Variants in DOCK8 observed in about 807,000 individuals in gnomAD.
The protein encoded by DOCK8 is dedicator of cytokinesis protein 8.
Under a neutral mutation model 245.6 loss-of-function variants are expected in DOCK8, and 141 were observed. That is an observed-to-expected ratio of 0.57 (90% CI 0.50 to 0.66). The LOEUF (loss-of-function observed/expected upper bound fraction) is 0.66. Ranked by LOEUF, DOCK8 falls within the 30% of genes least tolerant of loss-of-function variation. The pLI is 0.00. For missense variants in DOCK8, 2,965 were observed against 2,603.4 expected (o/e 1.14, Z -3.02); for synonymous variants, 1,168 against 970.2 (o/e 1.20, Z -3.79).
At chr9:273,889 A>G (rs184167430) in intron 2 of DOCK8, among the ~76,000 whole-genome samples, 163 of 152,150 alleles carry the variant, frequency 1.1e-3, no homozygotes, top group Non-Finnish European at 2.1e-3. Context: ...TATTTTGAGT[A>G]GAGACGGGGT....
At chr9:371,595 A>G in intron 17 of DOCK8, 29 bp downstream of exon 17, 5 of 1,613,932 alleles carry the variant, frequency 3.1e-6, no homozygotes, top group Non-Finnish European at 3.4e-6. Context: ...GCTGACTCAC[A>G]CTGCAGTTGT....
chr9:373,825 G>A (rs145970577), intron 18 of DOCK8, among the ~76,000 whole-genome samples: 76 of 152,298 alleles, frequency 5.0e-4, no homozygotes, highest in African/African-American at 1.7e-3. Flanking sequence ...ACATTTCCCT[G>A]ATTGGTCTTT....
Position 434,907 on chromosome 9 carries a change from T to A in DOCK8, c.5011T>A (p.Leu1671Ile), listed in dbSNP as rs964855655. The A allele has an allele frequency of 6.2e-7, 1 of 1,613,708 alleles. No homozygotes were observed. The highest frequency in any genetic ancestry group is 8.5e-7 in the Non-Finnish European group (1 of 1,180,038). Residue 1671 changes from leucine to isoleucine, a missense_variant, in exon 39 of 48, where the codon TTA becomes ATA. Coordinates refer to ENST00000432829, the MANE Select transcript of DOCK8 (RefSeq NM_203447.4). ...AAMCLVHAAALVAEYLSMLED... is the reference protein window; with the variant it reads ...AAMCLVHAAAIVAEYLSMLED... Reference sequence around the variant, plus strand: ...CATGTGCCTGGTGCACGCCGCTGCGTTAGTGGCTGAGTATCTGAGCATGCT... The same window carrying A: ...CATGTGCCTGGTGCACGCCGCTGCGATAGTGGCTGAGTATCTGAGCATGCT...
intron 1 of DOCK8, among the ~76,000 whole-genome samples, chr9:266,196 C>T (rs373280792): frequency 3.3e-5 from 5 of 152,236 alleles, no homozygotes; most frequent in East Asian, 1.9e-4. Context: ...GAATTAGTAA[C>T]GCCTTCCTCT....
At chr9:424,510 A>T (rs1404740022) in intron 33 of DOCK8, among the ~76,000 whole-genome samples, 1 of 152,008 alleles carries the variant, frequency 6.6e-6, no homozygotes, top group African/African-American at 2.4e-5. Flanking sequence ...CCTGGCCTCA[A>T]ACAATCCTCC....
At chr9:261,041 G>A (rs952320112) in intron 1 of DOCK8, among the ~76,000 whole-genome samples, 5 of 150,544 alleles carry the variant, frequency 3.3e-5, no homozygotes, top group African/African-American at 1.2e-4. Context: ...AGCGGAGATC[G>A]TGCCACTGCA....
chr9:306,908 C>T (rs1466436717), intron 5 of DOCK8, among the ~76,000 whole-genome samples: 1 of 152,122 alleles, frequency 6.6e-6, no homozygotes, highest in African/African-American at 2.4e-5. Context: ...GTGGTGTTGT[C>T]TCAAGATCTC....
chr9:457,754 T>C (rs1454066726), intron 46 of DOCK8, among the ~76,000 whole-genome samples: 1 of 152,234 alleles, frequency 6.6e-6, no homozygotes, highest in African/African-American at 2.4e-5. Flanking sequence ...TACAAATAGT[T>C]CATTTACTTA....
intron 2 of DOCK8, among the ~76,000 whole-genome samples, chr9:274,232 C>G (rs897306837): frequency 1.3e-5 from 2 of 152,162 alleles, no homozygotes; most frequent in South Asian, 4.1e-4. Context: ...TATCAAGAAA[C>G]CAGCAACAAT....
At chr9:265,965 TTTTC>T (rs1347981704) in intron 1 of DOCK8, among the ~76,000 whole-genome samples, 2 of 152,186 alleles carry the variant, frequency 1.3e-5, no homozygotes, top group Non-Finnish European at 2.9e-5. Context: ...TTTTCATTCT[TTTTC>T]TTTATTCTTC....
At chr9:400,156 A>T (rs1167947109) in intron 26 of DOCK8, among the ~76,000 whole-genome samples, 4 of 61,872 alleles carry the variant, frequency 6.5e-5, no homozygotes, top group African/African-American at 2.4e-4. Context: ...CACCATCACC[A>T]CCACCACCAC....
chr9:440,515 C>T (rs2057060563), intron 40 of DOCK8, among the ~76,000 whole-genome samples: 1 of 151,990 alleles, frequency 6.6e-6, no homozygotes, highest in African/African-American at 2.4e-5. Flanking sequence ...TCTCTCTATT[C>T]TTGCTTTCCT....
intron 21 of DOCK8, among the ~76,000 whole-genome samples, chr9:381,939 G>A (rs2053735849): frequency 6.7e-6 from 1 of 149,336 alleles, no homozygotes; most frequent in Non-Finnish European, 1.5e-5. Context: ...CAGCCTGGAG[G>A]ACAAAGTGAG....
intron 46 of DOCK8, among the ~76,000 whole-genome samples, chr9:453,128 T>C (rs1683079964): frequency 6.6e-6 from 1 of 152,230 alleles, no homozygotes; most frequent in Non-Finnish European, 1.5e-5. Context: ...GTTAGAGATA[T>C]CTCCTCCTTC....
At chr9:306,014 G>GATGGTTATACTGCAGTGTGA (rs2049811478) in intron 5 of DOCK8, among the ~76,000 whole-genome samples, 1 of 152,282 alleles carries the variant, frequency 6.6e-6, no homozygotes, top group South Asian at 2.1e-4. Flanking sequence ...GGATGCTGGT[G>GATGGTTATACTGCAGTGTGA]ATGGTTATAC....
At chr9:273,665 T>C (rs1350810476) in intron 2 of DOCK8, among the ~76,000 whole-genome samples, 1 of 152,096 alleles carries the variant, frequency 6.6e-6, no homozygotes, top group African/African-American at 2.4e-5. Flanking sequence ...CTTTAACCCT[T>C]TCTCTCCATA....
chr9:282,528 C>T (rs941011570), intron 2 of DOCK8, among the ~76,000 whole-genome samples: 2 of 151,314 alleles, frequency 1.3e-5, no homozygotes, highest in African/African-American at 4.9e-5. Flanking sequence ...AGTGTTTCTC[C>T]CATCTCAGCC....
intron 1 of DOCK8, among the ~76,000 whole-genome samples, chr9:245,404 C>T (rs971696763): frequency 1.3e-5 from 2 of 152,106 alleles, no homozygotes; most frequent in Non-Finnish European, 2.9e-5. Context: ...GATGGTGTTT[C>T]ACCATGTTGG....
chr9:345,443 C>T (rs562223703), intron 14 of DOCK8, among the ~76,000 whole-genome samples: 32 of 152,262 alleles, frequency 2.1e-4, no homozygotes, highest in African/African-American at 7.5e-4. Context: ...ACTGCAGAGC[C>T]CCCCTGGGTG....
Sources: gnomAD v4.1 joint callset for allele counts (sites outside exome capture counted in the v4.1 genomes callset) on GRCh38, gnomAD v4.1.1 for gene constraint, MANE v1.5 for transcripts, NCBI Gene and HGNC (gene_info 2026-07-23, HGNC 2026-07-21) for gene names.